Variants in TLK1 observed in about 807,000 individuals in gnomAD.
TLK1 encodes the protein serine/threonine-protein kinase tousled-like 1.
In TLK1, 24 loss-of-function variants were observed where a neutral mutation model predicts 105.3. The observed-to-expected ratio is 0.23, with a 90% CI of 0.17 to 0.32. TLK1 has a LOEUF of 0.32. Among genes scored for constraint, TLK1 ranks in the 10% least tolerant of loss-of-function variants. The pLI, the probability that TLK1 is intolerant of heterozygous loss-of-function variation, is 1.00. For synonymous variants in TLK1, 321 were observed against 310.4 expected (o/e 1.03, Z -0.36); for missense variants, 558 against 910.5 (o/e 0.61, Z 4.98).
intron 12 of TLK1, among the ~76,000 whole-genome samples, chr2:171,020,785 A>G (rs936504418): frequency 6.6e-6 from 1 of 152,142 alleles, no homozygotes; most frequent in Non-Finnish European, 1.5e-5. Flanking sequence ...TTTTGAAACT[A>G]TTGCACCATA....
At chr2:171,077,520 A>C (rs1465127743) in intron 3 of TLK1, among the ~76,000 whole-genome samples, 1 of 152,202 alleles carries the variant, frequency 6.6e-6, no homozygotes, top group Non-Finnish European at 1.5e-5. Context: ...ATTTCTCCTC[A>C]ATTAACTACA....
chr2:171,192,217 C>T (rs1190859022), intron 1 of TLK1, among the ~76,000 whole-genome samples: 5 of 151,964 alleles, frequency 3.3e-5, no homozygotes, highest in East Asian at 1.9e-4. Flanking sequence ...TTTTGTCAGA[C>T]GGGGTTTTGC....
chr2:171,043,740 C>T (rs964017335), intron 11 of TLK1, among the ~76,000 whole-genome samples: 1 of 151,214 alleles, frequency 6.6e-6, no homozygotes, highest in East Asian at 1.9e-4. Flanking sequence ...ACATACTTTG[C>T]TTTTTTTTTC....
intron 11 of TLK1, chr2:171,045,764 C>T (rs928285083): frequency 1.9e-5 from 3 of 156,298 alleles, no homozygotes; most frequent in East Asian, 1.9e-4. Context: ...AAGGGAAAAA[C>T]AATACCTATA....
chr2:171,074,642 AAAAG>A (rs202061813), intron 3 of TLK1, among the ~76,000 whole-genome samples: 3,152 of 150,192 alleles, frequency 0.021, 38 homozygotes, highest in Non-Finnish European at 0.033. Context: ...AAAAAAAAAA[AAAAG>A]AAAGAAAGAA....
chr2:171,143,472 C>T (rs887738131), intron 1 of TLK1, among the ~76,000 whole-genome samples: 1 of 111,820 alleles, frequency 8.9e-6, no homozygotes, highest in Non-Finnish European at 1.7e-5. Context: ...CACCACTGCA[C>T]TCCAGACTGG....
intron 1 of TLK1, among the ~76,000 whole-genome samples, chr2:171,121,937 T>C (rs1352131283): frequency 6.6e-6 from 1 of 152,140 alleles, no homozygotes; most frequent in Non-Finnish European, 1.5e-5. Context: ...CTTAACACCT[T>C]CTAATTACTT....
At chr2:171,023,944 T>C (rs1033984422) in intron 12 of TLK1, among the ~76,000 whole-genome samples, 4 of 152,184 alleles carry the variant, frequency 2.6e-5, no homozygotes, top group East Asian at 1.9e-4. Flanking sequence ...CCTGATCAAC[T>C]ATAAGAGCAA....
intron 2 of TLK1, among the ~76,000 whole-genome samples, chr2:171,091,444 T>C (rs969368563): frequency 6.6e-5 from 10 of 152,182 alleles, no homozygotes; most frequent in African/African-American, 1.7e-4. Flanking sequence ...ACAGTAAACA[T>C]TTCCCATTTT....
chr2:171,142,500 T>C (rs1481777417), intron 1 of TLK1, among the ~76,000 whole-genome samples: 6 of 152,222 alleles, frequency 3.9e-5, no homozygotes, highest in Non-Finnish European at 8.8e-5. Flanking sequence ...TTAAAAACAC[T>C]ACAAGGTAAA....
chr2:171,168,057 A>G (rs751729000), intron 1 of TLK1, among the ~76,000 whole-genome samples: 2 of 152,088 alleles, frequency 1.3e-5, no homozygotes, highest in Middle Eastern at 3.2e-3. Context: ...TTAAGAGGGA[A>G]AAACAAAAAT....
chr2:171,093,911 G>C (rs1275612957), intron 2 of TLK1, among the ~76,000 whole-genome samples: 2 of 148,434 alleles, frequency 1.3e-5, no homozygotes, highest in African/African-American at 5.2e-5. Context: ...GCCAACACCA[G>C]GAGTAAGAGA....
At chr2:170,997,664 A>C (rs754886981) in intron 19 of TLK1, 48 bp downstream of exon 19, 1 of 1,262,206 alleles carries the variant, frequency 7.9e-7, no homozygotes, top group Non-Finnish European at 1.1e-6. Context: ...GGAAAAATTC[A>C]ACTTAATTTA....
intron 20 of TLK1, among the ~76,000 whole-genome samples, chr2:170,995,133 G>A (rs1683992253): frequency 6.6e-6 from 1 of 151,988 alleles, no homozygotes; most frequent in Non-Finnish European, 1.5e-5. Flanking sequence ...AAGTTTCAGA[G>A]ATCACTTTGA....
At chr2:171,112,542 A>C (rs1690224965) in intron 2 of TLK1, among the ~76,000 whole-genome samples, 1 of 152,254 alleles carries the variant, frequency 6.6e-6, no homozygotes. Flanking sequence ...AAGAACCTTC[A>C]GACAATTCCT....
At chr2:171,228,117 A>G (rs1402248028) in intron 1 of TLK1, among the ~76,000 whole-genome samples, 2 of 152,232 alleles carry the variant, frequency 1.3e-5, no homozygotes, top group East Asian at 3.9e-4. Context: ...CAGAGGTTGC[A>G]GTGAGCTGAG....
chr2:171,193,648 G>T (rs577507644), intron 1 of TLK1, among the ~76,000 whole-genome samples: 4 of 146,550 alleles, frequency 2.7e-5, no homozygotes, highest in South Asian at 4.3e-4. Flanking sequence ...TGATCCGCCC[G>T]CCTCAGCCTC....
At chr2:171,146,603 C>T (rs1691801214) in intron 1 of TLK1, among the ~76,000 whole-genome samples, 1 of 152,034 alleles carries the variant, frequency 6.6e-6, no homozygotes, top group African/African-American at 2.4e-5. Flanking sequence ...AAGATACAGA[C>T]GTCAAGAAAA....
intron 1 of TLK1, among the ~76,000 whole-genome samples, chr2:171,206,356 T>G (rs1021866384): frequency 2.6e-5 from 4 of 152,164 alleles, no homozygotes; most frequent in Admixed American, 2.6e-4. Flanking sequence ...AATGGTGAGA[T>G]AGCCAAATTA....
Sources: gnomAD v4.1 joint callset for allele counts (sites outside exome capture counted in the v4.1 genomes callset) on GRCh38, gnomAD v4.1.1 for gene constraint, MANE v1.5 for transcripts, NCBI Gene and HGNC (gene_info 2026-07-23, HGNC 2026-07-21) for gene names.